The following FGD5 variants were observed in gnomAD, a reference collection of about 807,000 sequenced individuals.
FGD5 encodes FYVE, RhoGEF and PH domain-containing protein 5.
Under a neutral mutation model 133.4 loss-of-function variants are expected in FGD5, and 28 were observed. The ratio of observed to expected loss-of-function variants is 0.21; its 90% CI spans 0.16 to 0.29. The LOEUF is 0.29. Ranked by LOEUF, FGD5 falls within the 10% of genes least tolerant of loss-of-function variation. The pLI is 1.00. For missense variants in FGD5, 1,858 were observed against 1,895.2 expected, an observed-to-expected ratio of 0.98 and a Z score of 0.36; for synonymous variants, 810 against 776.5, an observed-to-expected ratio of 1.04 and a Z score of -0.72.
chr3:14,831,102 G>A (rs2036698745), intron 1 of FGD5, among the ~76,000 whole-genome samples: 1 of 152,190 alleles, frequency 6.6e-6, no homozygotes, highest in Non-Finnish European at 1.5e-5. Flanking sequence ...GGGCATCCGA[G>A]GCAGAGGGAA....
intron 2 of FGD5, among the ~76,000 whole-genome samples, chr3:14,865,445 A>G (rs1378982764): frequency 1.3e-5 from 2 of 152,162 alleles, no homozygotes; most frequent in African/African-American, 4.8e-5. Context: ...TTACCTACCA[A>G]GTGCTACAGG....
chr3:14,921,187 A>G (rs2038673122), intron 13 of FGD5: 1 of 152,466 alleles, frequency 6.6e-6, no homozygotes, highest in African/African-American at 2.4e-5. Flanking sequence ...CCCATTCATC[A>G]CATTTTAGGG....
chr3:14,899,754 T>G (rs1274604411), intron 7 of FGD5, among the ~76,000 whole-genome samples: 2 of 152,176 alleles, frequency 1.3e-5, no homozygotes, highest in African/African-American at 4.8e-5. Flanking sequence ...TTAAGAACTC[T>G]TAAGAAAAAT....
intron 2 of FGD5, among the ~76,000 whole-genome samples, chr3:14,867,916 G>A (rs1004071979): frequency 1.3e-5 from 2 of 152,040 alleles, no homozygotes; most frequent in African/African-American, 4.8e-5. Flanking sequence ...GGCCCCGGGA[G>A]GTGTTTTTGG....
intron 1 of FGD5, among the ~76,000 whole-genome samples, chr3:14,843,323 C>T (rs532501322): frequency 3.9e-4 from 59 of 152,246 alleles, no homozygotes; most frequent in Admixed American, 1.6e-3. Context: ...GCATCCTCTG[C>T]GTGTGGCAAG....
At chr3:14,854,856 T>C (rs2037245815) in intron 1 of FGD5, among the ~76,000 whole-genome samples, 2 of 152,266 alleles carry the variant, frequency 1.3e-5, no homozygotes. Flanking sequence ...CATTTCTTTG[T>C]GTTGGGAACA....
intron 1 of FGD5, among the ~76,000 whole-genome samples, chr3:14,831,535 G>C (rs1169698798): frequency 6.6e-6 from 1 of 152,144 alleles, no homozygotes; most frequent in Non-Finnish European, 1.5e-5. Context: ...CAGTGGCGCT[G>C]AGGTCCCCCA....
At chr3:14,835,499 CAA>C (rs572373678) in intron 1 of FGD5, among the ~76,000 whole-genome samples, 1 of 126,434 alleles carries the variant, frequency 7.9e-6, no homozygotes. Flanking sequence ...GACTCTGTCT[CAA>C]AAAAAAAAAG....
intron 1 of FGD5, among the ~76,000 whole-genome samples, chr3:14,859,882 TC>T (rs36039471): frequency 0.25 from 38,116 of 151,282 alleles, 5,534 homozygotes; most frequent in East Asian, 0.7. Context: ...CTCGAACCAC[TC>T]CCCCCCCAAA....
rs2036496598 is a variant in FGD5, at chr3:14,821,325, C to T, written c.2254C>T (p.Pro752Ser). ...GTCCTTTGAAGACCGCTCCCGGCCG[C>T]CCTTCCTGCCCTTGCCACTGACCAA... ...VESFEDRSRP[P>S]FLPLPLTKPR... Residue 752 changes from proline (P) to serine (S), a missense_variant, in exon 1 of 20, where the codon CCC becomes TCC. Pro to Ser is a moderately conservative substitution (Grantham distance 74). This residue lies in a region of FGD5 where 1,824 missense variants were observed against 1,848.9 expected (regional missense o/e 0.99). Transcript: ENST00000285046. 1 of 1,614,010 alleles carries T rather than the reference C, an allele frequency of 6.2e-7. No homozygotes were observed. The highest frequency in any genetic ancestry group is 8.5e-7 in the Non-Finnish European group (1 of 1,179,886).
rs1366194252 is a variant in FGD5 at position 14,924,192 on chromosome 3, G to A, written c.4068+54G>A. On this transcript the variant is annotated intron_variant, in intron 17 of 19. Coordinates refer to ENST00000285046, the MANE Select transcript of FGD5 (RefSeq NM_152536.4). Reference sequence around the variant, plus strand: ...AAGTAGGGCATTTGGAAGGTTCATGGTCATCCTGGGTAGACGGAGTCAGAC... The same window carrying A: ...AAGTAGGGCATTTGGAAGGTTCATGATCATCCTGGGTAGACGGAGTCAGAC... The A allele has an allele frequency of 3.1e-6, 5 of 1,612,328 alleles. No individual in the cohort carries two copies. The East Asian group carries it at 8.9e-5, about 29-fold the overall frequency.
chr3:14,813,673 C>A (rs1055320423), intron 1 of FGD5, among the ~76,000 whole-genome samples: 23 of 152,260 alleles, frequency 1.5e-4, no homozygotes, highest in Admixed American at 1.4e-3. Context: ...CCTCACTCTG[C>A]AGATGGGGAA....
intron 4 of FGD5, among the ~76,000 whole-genome samples, chr3:14,882,571 G>A (rs1253870638): frequency 2.0e-5 from 3 of 151,934 alleles, no homozygotes; most frequent in African/African-American, 4.8e-5. Context: ...GGTGGTGGGC[G>A]CTTGTAATCC....
intron 4 of FGD5, among the ~76,000 whole-genome samples, chr3:14,894,759 G>A (rs972158415): frequency 6.7e-6 from 1 of 148,852 alleles, no homozygotes; most frequent in African/African-American, 2.5e-5. Flanking sequence ...GATCCTCCCA[G>A]TAGTTCTATT....
At position 14,917,325 on chromosome 3, in the gene FGD5, A is replaced by G. The variant is rs2038577887; in HGVS notation, c.3482A>G (p.Asn1161Ser). 5.0e-6 allele frequency: 8 copies of G among 1,612,838 alleles called. No homozygotes were observed. The East Asian group carries it at 1.6e-4, about 31-fold the overall frequency. Residue 1161 changes from asparagine to serine, a missense_variant, in exon 12 of 20, where the codon AAC (asparagine) becomes AGC (serine). Coordinates refer to ENST00000285046, the MANE Select transcript of FGD5 (RefSeq NM_152536.4). The surrounding 1 kb of genome is among the most constrained non-coding windows in gnomAD (Gnocchi z 4.1). The stretch of plus-strand genomic sequence containing the variant: ...CTGAAGAACACATTGGCTGTGGCCA[A>G]CATGAAGGTAAATATCTGGTGCCAG... ...YRLKNTLAVANMKVSRPVMEK... is the reference protein window; with the variant it reads ...YRLKNTLAVASMKVSRPVMEK...
Position 14,910,698 on chromosome 3 carries a change from G to A in FGD5, c.3337-163G>A, listed in dbSNP as rs549366139. 1.6e-4 allele frequency among the ~76,000 whole-genome samples: 24 copies of A among 152,130 alleles called. 1 individual carries two copies. The South Asian group carries it at 3.7e-3, about 24-fold the overall frequency. ...AGGGATTTATCTGCTAGCTGCTCTC[G>A]GGTTCTCTGGGAGGCTTTATGATTT... On this transcript the variant is annotated intron_variant, in intron 10 of 19. Coordinates refer to ENST00000285046, the MANE Select transcript of FGD5 (RefSeq NM_152536.4).
chr3:14,877,372 G>A (rs528116115), intron 2 of FGD5, among the ~76,000 whole-genome samples: 22 of 152,358 alleles, frequency 1.4e-4, no homozygotes, highest in African/African-American at 4.1e-4. Context: ...TGGGTGGGAC[G>A]TGCAGAGGGG....
intron 18 of FGD5, among the ~76,000 whole-genome samples, chr3:14,929,566 C>A (rs7619558): frequency 0.033 from 4,974 of 152,184 alleles, 205 homozygotes; most frequent in African/African-American, 0.093. Context: ...TGAGGTAACT[C>A]AATGTTGTTT....
chr3:14,902,872 A>G (rs939388190), intron 9 of FGD5, among the ~76,000 whole-genome samples: 3 of 152,296 alleles, frequency 2.0e-5, no homozygotes, highest in Admixed American at 2.0e-4. Flanking sequence ...GGGAGCTTGC[A>G]CACACAGCCC....
Sources: allele counts gnomAD v4.1 joint callset (sites outside exome capture counted in the v4.1 genomes callset), GRCh38; gene constraint gnomAD v4.1.1; regional missense constraint gnomAD v4.1.1; non-coding constraint Gnocchi (gnomAD v3.1); transcripts MANE v1.5; gene names NCBI Gene and HGNC (gene_info 2026-07-23, HGNC 2026-07-21).